TRPM3: variants seen among roughly 807,000 people sequenced by gnomAD.
TRPM3 encodes transient receptor potential cation channel subfamily M member 3.
Under a neutral mutation model 181.2 loss-of-function variants are expected in TRPM3, and 77 were observed. That is an observed-to-expected ratio of 0.42 (90% CI 0.35 to 0.51). The LOEUF (loss-of-function observed/expected upper bound fraction) is 0.51. Ranked by LOEUF, TRPM3 falls within the 20% of genes least tolerant of loss-of-function variation. The pLI is 0.01. For synonymous variants in TRPM3, 745 were observed against 796.4 expected (o/e 0.94, Z 1.09); for missense variants, 1,759 against 2,196.7 (o/e 0.80, Z 3.98).
In TRPM3 at chr9:70,625,427, A is replaced by AT. The variant is rs878893268; in HGVS notation, c.1668+54_1668+55insA. 56 of 1,589,036 alleles carry AT rather than the reference A, an allele frequency of 3.5e-5. 4 individuals carry two copies. The South Asian group carries it at 6.6e-4, about 19-fold the overall frequency. On this transcript the variant is annotated intron_variant, in intron 13 of 25. Coordinates refer to ENST00000677713, the MANE Select transcript of TRPM3 (RefSeq NM_001366145.2). This position sits in a 1 kb window ranked among gnomAD's most constrained non-coding sequence, Gnocchi z 4.8. ...GTATTCTGTAACTAGAGTAAAAAAA[A>AT]AATAATGAAAAAAGAAACATATGAA...
intron 6 of TRPM3, among the ~76,000 whole-genome samples, chr9:70,814,748 C>T (rs1207405432): frequency 6.6e-6 from 1 of 152,090 alleles, no homozygotes. Context: ...GCTGTGGGGG[C>T]ACTTGACCCA....
intron 1 of TRPM3, among the ~76,000 whole-genome samples, chr9:71,109,772 T>C (rs556607228): frequency 1.3e-5 from 2 of 152,222 alleles, no homozygotes; most frequent in East Asian, 1.9e-4. Context: ...GGGAAGGAGT[T>C]TGGAATTAGA....
At chr9:70,888,813 G>A (rs117487538) in intron 1 of TRPM3, among the ~76,000 whole-genome samples, 1,716 of 152,240 alleles carry the variant, frequency 0.011, 15 homozygotes, top group Non-Finnish European at 0.02. Context: ...TTTTAGAATG[G>A]GAAGGAGGCT....
In TRPM3 at chr9:70,535,686, C is replaced by G; in HGVS notation, c.*267G>C. ...TGTGACTGCGGATACACATTCATCT[C>G]TAACCCTTCCTTCTCCCTCTCTTCC... On this transcript the variant is annotated 3_prime_UTR_variant, in exon 26 of 26. Coordinates refer to ENST00000677713, the MANE Select transcript of TRPM3 (RefSeq NM_001366145.2). The G allele has an allele frequency of 7.0e-7, 1 of 1,437,284 alleles. No homozygotes were observed. The highest frequency in any genetic ancestry group is 9.1e-7 in the Non-Finnish European group (1 of 1,103,214). The allele number at this position is 1,437,284 out of a possible 1,614,324, so 89.0% of individuals were successfully genotyped here. A position where few individuals can be genotyped will look rare whatever the true frequency, so the allele number is the denominator to read the frequency against.
At chr9:71,160,838 C>T (rs2076241316) in intron 1 of TRPM3, among the ~76,000 whole-genome samples, 1 of 152,128 alleles carries the variant, frequency 6.6e-6, no homozygotes, top group Non-Finnish European at 1.5e-5. Flanking sequence ...TTCTAAGGTT[C>T]CCAATTATAT....
At chr9:70,953,865 C>T (rs1409974662) in intron 1 of TRPM3, among the ~76,000 whole-genome samples, 1 of 152,182 alleles carries the variant, frequency 6.6e-6, no homozygotes, top group African/African-American at 2.4e-5. Context: ...TCTCAGACCT[C>T]ACCATGCACA....
At position 70,536,569 on chromosome 9, in the gene TRPM3, C is replaced by A. The variant is rs774052094; in HGVS notation, c.4544G>T (p.Arg1515Leu). The A allele has an allele frequency of 6.2e-7, 1 of 1,614,038 alleles. No individual in the cohort carries two copies. The stretch of plus-strand genomic sequence containing the variant: ...AAGAAAGGGTGTGGTGGCTAGGTAG[C>A]GGCTACTTTTGGAACGCTCAATGGT... ...YHTIERSKSS[R>L]YLATTPFLLE... Residue 1515 changes from arginine (R) to leucine (L), a missense_variant, in exon 26 of 26, where the codon CGC becomes CTC. Transcript: ENST00000677713.
chr9:71,095,699 C>T (rs2067029831), intron 1 of TRPM3, among the ~76,000 whole-genome samples: 1 of 134,630 alleles, frequency 7.4e-6, no homozygotes, highest in Admixed American at 8.7e-5. Context: ...GCAGAGGTTA[C>T]AGTGAGCTGA....
At chr9:71,426,961 TA>T (rs1179189935) in intron 1 of TRPM3, among the ~76,000 whole-genome samples, 1 of 152,210 alleles carries the variant, frequency 6.6e-6, no homozygotes, top group Non-Finnish European at 1.5e-5. Context: ...TCCCCAATTT[TA>T]CTCTTTCTAA....
At chr9:70,786,311 CAAAAAAAAAAAAA>C (rs71367227) in intron 6 of TRPM3, among the ~76,000 whole-genome samples, 1 of 54,472 alleles carries the variant, frequency 1.8e-5, no homozygotes, top group Non-Finnish European at 3.4e-5. Flanking sequence ...CTAAAAATAC[CAAAAAAAAAAAAA>C]AAAAAAAAAA....
chr9:70,858,523 A>G (rs1178408069), intron 3 of TRPM3, among the ~76,000 whole-genome samples: 1 of 152,160 alleles, frequency 6.6e-6, no homozygotes. Context: ...GCAAGTTTTC[A>G]AAGTGGACAA....
At chr9:71,167,549 C>T (rs2076599649) in intron 1 of TRPM3, among the ~76,000 whole-genome samples, 1 of 152,158 alleles carries the variant, frequency 6.6e-6, no homozygotes, top group Admixed American at 6.5e-5. Context: ...CCCTCTGCCA[C>T]ATAGTAATAA....
At chr9:71,409,138 C>G (rs1200080095) in intron 1 of TRPM3, among the ~76,000 whole-genome samples, 1 of 152,142 alleles carries the variant, frequency 6.6e-6, no homozygotes, top group Non-Finnish European at 1.5e-5. Context: ...CAACTGGTAC[C>G]AGCCACTGCA....
intron 11 of TRPM3, 23 bp from the exon 12 acceptor site, chr9:70,635,284 A>G: frequency 6.2e-7 from 1 of 1,612,864 alleles, no homozygotes; most frequent in South Asian, 1.1e-5. Flanking sequence ...AAGAAGAATC[A>G]AACAGTTTTG....
intron 8 of TRPM3, among the ~76,000 whole-genome samples, chr9:70,685,381 T>C (rs76920698): frequency 1.3e-5 from 1 of 74,310 alleles, no homozygotes; most frequent in East Asian, 6.7e-4. Context: ...AAAGAATCAG[T>C]TTTTCATTGT....
At chr9:70,675,141 C>A (rs2063748697) in intron 9 of TRPM3, among the ~76,000 whole-genome samples, 1 of 152,086 alleles carries the variant, frequency 6.6e-6, no homozygotes, top group African/African-American at 2.4e-5. Context: ...GCTCTTGTCA[C>A]CCGATCTGGA....
intron 1 of TRPM3, among the ~76,000 whole-genome samples, chr9:71,420,821 A>AAGAAAGAGAAAG (rs1435329349): frequency 6.5e-4 from 1 of 1,548 alleles, no homozygotes; most frequent in African/African-American, 1.9e-3. Context: ...GAAAGAGAGA[A>AAGAAAGAGAAAG]AGAGAGGGAA....
chr9:71,328,852 C>T (rs2089911368), intron 1 of TRPM3, among the ~76,000 whole-genome samples: 1 of 152,202 alleles, frequency 6.6e-6, no homozygotes, highest in South Asian at 2.1e-4. Flanking sequence ...TAACTGCTAC[C>T]TTCAATGCTG....
chr9:70,855,603 C>G (rs1021839270), intron 3 of TRPM3, among the ~76,000 whole-genome samples: 2 of 152,184 alleles, frequency 1.3e-5, no homozygotes, highest in Admixed American at 1.3e-4. Flanking sequence ...ATTGCTAAAT[C>G]TATTCTAACA....
Sources: allele counts gnomAD v4.1 joint callset (sites outside exome capture counted in the v4.1 genomes callset), GRCh38; gene constraint gnomAD v4.1.1; non-coding constraint Gnocchi (gnomAD v3.1); transcripts MANE v1.5; gene names NCBI Gene and HGNC (gene_info 2026-07-23, HGNC 2026-07-21).